The following RBM41 variants were observed in gnomAD, a reference collection of about 807,000 sequenced individuals.
RBM41 encodes the protein RNA binding motif protein 41.
In RBM41, 14 loss-of-function variants were observed where a neutral mutation model predicts 30.8. That is an observed-to-expected ratio of 0.45 (90% confidence interval 0.30 to 0.71). RBM41 has a LOEUF of 0.71. RBM41 is among the 30% of genes least tolerant of loss of function. The pLI, the probability that RBM41 is intolerant of heterozygous loss-of-function variation, is 0.08. For missense variants in RBM41, 276 were observed against 326.3 expected, an observed-to-expected ratio of 0.85 and a Z score of 1.19; for synonymous variants, 120 against 110.1, an observed-to-expected ratio of 1.09 and a Z score of -0.56.
the RBM41 span, among the ~76,000 whole-genome samples, chrX:107,054,708 T>C: frequency 8.9e-6 from 1 of 111,846 alleles, no homozygotes; most frequent in South Asian, 3.8e-4. Flanking sequence ...CTGAGGGCCC[T>C]GGTGCCTTTG....
intron 6 of RBM41, among the ~76,000 whole-genome samples, chrX:107,076,064 T>A (rs1936213531): frequency 9.0e-6 from 1 of 110,855 alleles, no homozygotes; most frequent in African/African-American, 3.3e-5. Flanking sequence ...ACGCCTGTAA[T>A]CTCAGCATTT....
At chrX:107,055,752 G>T in the RBM41 span, among the ~76,000 whole-genome samples, 6 of 112,568 alleles carry the variant, frequency 5.3e-5, no homozygotes, top group African/African-American at 1.6e-4. Context: ...ATTCCTCAAA[G>T]TTCTTGTCAA....
the RBM41 span, among the ~76,000 whole-genome samples, chrX:107,054,036 A>T: frequency 9.0e-6 from 1 of 110,638 alleles, no homozygotes; most frequent in African/African-American, 3.3e-5. Context: ...ACTCTTGGTA[A>T]GGGGAGCTAC....
Position 107,063,661 on chromosome X carries a change from T to C in RBM41, c.*3866A>G, listed in dbSNP as rs193056343. Among the ~76,000 whole-genome samples the C allele has an allele frequency of 7.2e-5, 8 of 111,874 alleles. No individual in the cohort carries two copies. Among genetic ancestry groups the C allele is most frequent in the African/African-American group, 2.3e-4 (7 of 30,890 alleles). ...ATTCATAATATGCCTTCATAATCTT[T>C]TTTATTTCTACAAGTTCAGTTGAAA... On this transcript the variant is annotated 3_prime_UTR_variant, in exon 8 of 8. Coordinates refer to ENST00000685964, the MANE Select transcript of RBM41 (RefSeq NM_001324242.2).
intron 5 of RBM41, among the ~76,000 whole-genome samples, chrX:107,101,818 G>A (rs1923489114): frequency 1.8e-5 from 2 of 112,229 alleles, no homozygotes; most frequent in African/African-American, 6.5e-5. Flanking sequence ...GAAGTAAGAT[G>A]CTGCTTTAAC....
At chrX:107,097,172 ATACACGGAAT>A (rs1199930494) in intron 5 of RBM41, among the ~76,000 whole-genome samples, 1 of 112,236 alleles carries the variant, frequency 8.9e-6, no homozygotes, top group Non-Finnish European at 1.9e-5. Context: ...CAAATTGGTT[ATACACGGAAT>A]TACTGTAGGA....
At chrX:107,112,047 A>G (rs1924530466) in intron 5 of RBM41, among the ~76,000 whole-genome samples, 1 of 111,608 alleles carries the variant, frequency 9.0e-6, no homozygotes, top group African/African-American at 3.2e-5. Context: ...ATATTTTACC[A>G]CAATAAAAAA....
intron 6 of RBM41, among the ~76,000 whole-genome samples, chrX:107,075,542 G>C (rs1054121088): frequency 9.0e-6 from 1 of 111,634 alleles, no homozygotes; most frequent in Non-Finnish European, 1.9e-5. Context: ...CAACTTGATG[G>C]CAAGAAAACA....
In RBM41 at chrX:107,064,173, G is replaced by C. The variant is rs750235627; in HGVS notation, c.*3354C>G. On this transcript the variant is annotated 3_prime_UTR_variant, in exon 8 of 8. Coordinates refer to ENST00000685964, the MANE Select transcript of RBM41 (RefSeq NM_001324242.2). ...TCACCATGTTACCCAGAATGGTCTC[G>C]ATCTCCTGACCCCATGATCTCCACC... Among the ~76,000 whole-genome samples the C allele has an allele frequency of 9.1e-6, 1 of 109,440 alleles. No individual in the cohort carries two copies. Among genetic ancestry groups the C allele is most frequent in the Non-Finnish European group, 1.9e-5 (1 of 52,576 alleles).
chrX:107,116,805 G>A, intron 1 of RBM41, 39 bp from the exon 2 acceptor site: 2 of 1,135,963 alleles, frequency 1.8e-6, no homozygotes, highest in Non-Finnish European at 2.4e-6. Flanking sequence ...AAACGGAAGA[G>A]ACTGTGAGTC....
At chrX:107,089,178 C>G (rs751656473) in intron 5 of RBM41, among the ~76,000 whole-genome samples, 1 of 111,639 alleles carries the variant, frequency 9.0e-6, no homozygotes, top group Non-Finnish European at 1.9e-5. Flanking sequence ...ATGTTATGTT[C>G]AAATTGTCCT....
chrX:107,094,846 G>A (rs1922831762), intron 5 of RBM41, among the ~76,000 whole-genome samples: 1 of 111,192 alleles, frequency 9.0e-6, no homozygotes, highest in African/African-American at 3.3e-5. Flanking sequence ...CTCAACCAGA[G>A]CCTCTAAAAG....
rs1042748862 is a variant in RBM41 at position 107,076,882 on chromosome X, T to C, written c.1000-7480A>G. Among the ~76,000 whole-genome samples, 8 of 107,893 alleles carry C rather than the reference T, an allele frequency of 7.4e-5. No individual in the cohort carries two copies. The East Asian group carries it at 2.3e-3, about 30-fold the overall frequency. The allele number at this position is 107,893 out of a possible 115,157, so 93.7% of individuals were successfully genotyped here. A position where few individuals can be genotyped will look rare whatever the true frequency, so the allele number is the denominator to read the frequency against. ...TAAATGACTTAAGTGCTAAAAGGTATAAATAAATAAATATTGTTAACAAGT... is the reference window on the plus strand; with the variant it reads ...TAAATGACTTAAGTGCTAAAAGGTACAAATAAATAAATATTGTTAACAAGT... On this transcript the variant is annotated intron_variant, in intron 6 of 7. Coordinates refer to ENST00000685964, the MANE Select transcript of RBM41 (RefSeq NM_001324242.2).
At chrX:107,071,511 T>C (rs1315911643) in intron 6 of RBM41, among the ~76,000 whole-genome samples, 1 of 111,255 alleles carries the variant, frequency 9.0e-6, no homozygotes, top group Non-Finnish European at 1.9e-5. Context: ...CTCAACAAAA[T>C]ATTACCAAAC....
At chrX:107,092,468 C>A (rs1205384537) in intron 5 of RBM41, among the ~76,000 whole-genome samples, 3 of 111,124 alleles carry the variant, frequency 2.7e-5, no homozygotes, top group African/African-American at 9.8e-5. Flanking sequence ...GTGGGCCAGG[C>A]GTGGTGGCTC....
chrX:107,069,733 G>A, intron 6 of RBM41: 1 of 151,023 alleles, frequency 6.6e-6, no homozygotes, highest in Non-Finnish European at 1.3e-5. Flanking sequence ...GGGATTACAG[G>A]CGTGAGACAC....
chrX:107,088,128 G>A (rs1341639854), intron 6 of RBM41, among the ~76,000 whole-genome samples: 1 of 111,853 alleles, frequency 8.9e-6, no homozygotes, highest in Non-Finnish European at 1.9e-5. Context: ...TTATTACACT[G>A]TAGGAAATTG....
chrX:107,091,897 G>C (rs1922571222), intron 5 of RBM41, among the ~76,000 whole-genome samples: 1 of 111,615 alleles, frequency 9.0e-6, no homozygotes, highest in African/African-American at 3.3e-5. Context: ...ATGTACCATA[G>C]TTTATTTAAC....
chrX:107,106,090 A>C (rs1338677082), intron 5 of RBM41, among the ~76,000 whole-genome samples: 1 of 112,019 alleles, frequency 8.9e-6, no homozygotes, highest in African/African-American at 3.2e-5. Context: ...CAATCTACAG[A>C]ATGGGAGAAA....
Sources: gnomAD v4.1 joint callset for allele counts (sites outside exome capture counted in the v4.1 genomes callset) on GRCh38, gnomAD v4.1.1 for gene constraint, MANE v1.5 for transcripts, NCBI Gene and HGNC (gene_info 2026-07-23, HGNC 2026-07-21) for gene names.